Variants in ZNF81 observed in about 807,000 individuals in gnomAD.
The protein encoded by ZNF81 is zinc finger protein 81.
In ZNF81, 5 loss-of-function variants were observed where a neutral mutation model predicts 32.3. That is an observed-to-expected ratio of 0.15 (90% CI 0.08 to 0.33). The LOEUF (loss-of-function observed/expected upper bound fraction) is 0.33, where lower values mean the gene tolerates loss of function less well. Among genes scored for constraint, ZNF81 ranks in the 10% least tolerant of loss-of-function variants. ZNF81 has a pLI of 1.00. For missense variants in ZNF81, 379 were observed against 479.8 expected (o/e 0.79, Z 1.96); for synonymous variants, 163 against 166.8 (o/e 0.98, Z 0.17).
intron 4 of ZNF81, among the ~76,000 whole-genome samples, chrX:47,897,981 C>T (rs2058685451): frequency 8.9e-6 from 1 of 111,849 alleles, no homozygotes; most frequent in African/African-American, 3.2e-5. Flanking sequence ...GTATACCACA[C>T]CATACAGGGC....
intron 4 of ZNF81, among the ~76,000 whole-genome samples, chrX:47,904,268 A>G (rs1556888614): frequency 9.1e-6 from 1 of 110,066 alleles, no homozygotes; most frequent in Non-Finnish European, 1.9e-5. Context: ...ACCATGAGTG[A>G]ACAGGCAACC....
At chrX:47,877,825 A>T (rs1185157160) in intron 2 of ZNF81, among the ~76,000 whole-genome samples, 3 of 112,264 alleles carry the variant, frequency 2.7e-5, no homozygotes, top group African/African-American at 9.7e-5. Context: ...ACCTAAAAAA[A>T]TCTTGAATTC....
intron 1 of ZNF81, among the ~76,000 whole-genome samples, chrX:47,839,906 T>G (rs2058439820): frequency 1.0e-5 from 1 of 97,202 alleles, no homozygotes; most frequent in South Asian, 5.0e-4. Flanking sequence ...TTCGTAAACT[T>G]TCTTAAAATA....
intron 1 of ZNF81, among the ~76,000 whole-genome samples, chrX:47,844,845 C>T (rs2058464161): frequency 8.9e-6 from 1 of 112,391 alleles, no homozygotes; most frequent in Admixed American, 9.4e-5. Flanking sequence ...ACACTTGTTA[C>T]TGTCTTTTCT....
chrX:47,884,245 A>T (rs908853426), intron 2 of ZNF81, among the ~76,000 whole-genome samples: 3 of 2,792 alleles, frequency 1.1e-3, no homozygotes, highest in Admixed American at 6.2e-3. Context: ...ACGTCATCTA[A>T]AAAAAAAAAA....
chrX:47,865,738 T>C (rs1329981309), intron 2 of ZNF81, among the ~76,000 whole-genome samples: 2 of 111,888 alleles, frequency 1.8e-5, no homozygotes, highest in African/African-American at 3.3e-5. Flanking sequence ...CTTTTGGGGC[T>C]TTCTTTTAGG....
At chrX:47,895,303 G>A (rs1175515789) in intron 3 of ZNF81, among the ~76,000 whole-genome samples, 1 of 111,353 alleles carries the variant, frequency 9.0e-6, no homozygotes, top group Admixed American at 9.6e-5. Context: ...ATTTGGACAC[G>A]GGGGAATGCC....
In ZNF81 at chrX:47,924,424, A is replaced by G. The variant is rs782673648; in HGVS notation, c.*7792A>G. Among the ~76,000 whole-genome samples the G allele has an allele frequency of 1.9e-4, 21 of 112,017 alleles. 1 individual carries two copies. Among genetic ancestry groups the G allele is most frequent in the Non-Finnish European group, 3.4e-4 (18 of 53,168 alleles). On this transcript the variant is annotated 3_prime_UTR_variant, in exon 5 of 5. Coordinates refer to ENST00000338637, the MANE Select transcript of ZNF81 (RefSeq NM_007137.5). ...TATGCTTTGGTCCTGATCTTTGTGTATTAATTTTACCTGAGTTATAGTGAG... is the reference window on the plus strand; with the variant it reads ...TATGCTTTGGTCCTGATCTTTGTGTGTTAATTTTACCTGAGTTATAGTGAG...
chrX:47,879,626 C>T (rs782115871), intron 2 of ZNF81, among the ~76,000 whole-genome samples: 1 of 111,939 alleles, frequency 8.9e-6, no homozygotes, highest in African/African-American at 3.3e-5. Flanking sequence ...AATAAATCTG[C>T]CTCTCCTTTG....
intron 2 of ZNF81, among the ~76,000 whole-genome samples, chrX:47,858,035 A>G (rs1377259738): frequency 1.8e-5 from 2 of 111,389 alleles, no homozygotes; most frequent in Non-Finnish European, 3.8e-5. Flanking sequence ...GTGGTATAAC[A>G]GCCTGCCAAA....
At chrX:47,841,192 G>A (rs1206209455) in intron 1 of ZNF81, 1 of 760,767 alleles carries the variant, frequency 1.3e-6, no homozygotes, top group Non-Finnish European at 2.0e-6. Context: ...CTCAATCACT[G>A]TACTGTCTGT....
At chrX:47,900,172 C>T (rs5906515) in intron 4 of ZNF81, among the ~76,000 whole-genome samples, 40,778 of 110,216 alleles carry the variant, frequency 0.37, 5,653 homozygotes, top group Non-Finnish European at 0.44. Flanking sequence ...AGAAAAAGTA[C>T]GGAGGATTGA....
At chrX:47,880,259 G>T (rs1286320399) in intron 2 of ZNF81, among the ~76,000 whole-genome samples, 1 of 112,354 alleles carries the variant, frequency 8.9e-6, no homozygotes, top group Non-Finnish European at 1.9e-5. Flanking sequence ...TGTCATCCAG[G>T]CTGGAGTGCA....
At chrX:47,875,629 T>C (rs936435825) in intron 2 of ZNF81, among the ~76,000 whole-genome samples, 8 of 112,388 alleles carry the variant, frequency 7.1e-5, no homozygotes, top group African/African-American at 2.6e-4. Context: ...TAATTCACCT[T>C]CAGCTGGTCT....
intron 2 of ZNF81, among the ~76,000 whole-genome samples, chrX:47,855,018 C>T (rs1254599664): frequency 3.7e-5 from 4 of 109,414 alleles, no homozygotes; most frequent in South Asian, 3.9e-4. Context: ...TGCTTGAACC[C>T]GGGAGGCAGA....
chrX:47,874,270 G>T (rs1556884258), intron 2 of ZNF81, among the ~76,000 whole-genome samples: 1 of 112,047 alleles, frequency 8.9e-6, no homozygotes, highest in African/African-American at 3.3e-5. Context: ...TTTTTAATGG[G>T]TCCCTAAAGT....
chrX:47,867,724 T>C (rs1441360110), intron 2 of ZNF81, among the ~76,000 whole-genome samples: 1 of 111,970 alleles, frequency 8.9e-6, no homozygotes, highest in Non-Finnish European at 1.9e-5. Flanking sequence ...TTTCCTGATA[T>C]ATTACTTTTA....
At chrX:47,873,664 T>C (rs2058588710) in intron 2 of ZNF81, among the ~76,000 whole-genome samples, 1 of 111,257 alleles carries the variant, frequency 9.0e-6, no homozygotes, top group Admixed American at 9.6e-5. Flanking sequence ...GTTTGTTTGT[T>C]TGTTTGTTTT....
chrX:47,845,304 A>T (rs1291449878), intron 1 of ZNF81, among the ~76,000 whole-genome samples: 2 of 111,559 alleles, frequency 1.8e-5, no homozygotes, highest in Admixed American at 1.9e-4. Flanking sequence ...GATCAGAATA[A>T]AATTGTACCT....
Sources: gnomAD v4.1 joint callset for allele counts (sites outside exome capture counted in the v4.1 genomes callset) on GRCh38, gnomAD v4.1.1 for gene constraint, MANE v1.5 for transcripts, NCBI Gene and HGNC (gene_info 2026-07-23, HGNC 2026-07-21) for gene names.